ROBO2: variants seen among roughly 807,000 people sequenced by gnomAD.
The protein encoded by ROBO2 is roundabout homolog 2.
In ROBO2, 53 loss-of-function variants were observed where a neutral mutation model predicts 160.8. The observed-to-expected ratio is 0.33, with a 90% CI of 0.26 to 0.41. The LOEUF is 0.41. ROBO2 is among the 10% of genes least tolerant of loss of function. The pLI is 1.00. For synonymous variants in ROBO2, 664 were observed against 611.7 expected (o/e 1.09, Z -1.26); for missense variants, 1,577 against 1,722.4 (o/e 0.92, Z 1.49).
chr3:76,584,689 G>A (rs1305446342), intron 2 of ROBO2, among the ~76,000 whole-genome samples: 3 of 152,036 alleles, frequency 2.0e-5, no homozygotes, highest in African/African-American at 7.2e-5. Flanking sequence ...TCTAGTCTGT[G>A]GTACTTTGTT....
intron 2 of ROBO2, among the ~76,000 whole-genome samples, chr3:76,575,371 T>C (rs2085224029): frequency 6.6e-6 from 1 of 152,072 alleles, no homozygotes; most frequent in Non-Finnish European, 1.5e-5. Flanking sequence ...TAGTACATAA[T>C]GTTTTATCAG....
chr3:77,496,500 A>G (rs547171615), intron 5 of ROBO2, among the ~76,000 whole-genome samples: 1 of 152,288 alleles, frequency 6.6e-6, no homozygotes, highest in South Asian at 2.1e-4. Flanking sequence ...TAAATCAACA[A>G]CATTGATTCT....
chr3:77,163,476 G>A (rs921275939), intron 2 of ROBO2, among the ~76,000 whole-genome samples: 3 of 152,134 alleles, frequency 2.0e-5, no homozygotes, highest in African/African-American at 4.8e-5. Flanking sequence ...GTGTTGTTGT[G>A]TTGTAAACCA....
intron 2 of ROBO2, among the ~76,000 whole-genome samples, chr3:76,850,774 G>A (rs1445758977): frequency 6.6e-6 from 1 of 152,032 alleles, no homozygotes; most frequent in Non-Finnish European, 1.5e-5. Context: ...ATAGCAAGCA[G>A]AAATTAGGGG....
At chr3:77,606,443 G>C (rs2094527850) in intron 20 of ROBO2, among the ~76,000 whole-genome samples, 1 of 152,148 alleles carries the variant, frequency 6.6e-6, no homozygotes, top group Non-Finnish European at 1.5e-5. Flanking sequence ...CTAAGCAAAA[G>C]ATGTCTGCTC....
At chr3:76,399,646 T>C (rs1386046181) in intron 2 of ROBO2, among the ~76,000 whole-genome samples, 1 of 151,722 alleles carries the variant, frequency 6.6e-6, no homozygotes, top group Admixed American at 6.6e-5. Context: ...TATGAAGTGA[T>C]AAAATTCCAT....
rs763733519 is a variant in ROBO2 at position 77,595,112 on chromosome 3, G to A, written c.2684-30G>A. The stretch of plus-strand genomic sequence containing the variant: ...TAATTAATATTGACTACTTGTGTGT[G>A]CATGTCTTCCTTTTTTTCTTTTTTC... On this transcript the variant is annotated intron_variant, in intron 17 of 25. Coordinates refer to ENST00000461745, the Ensembl canonical transcript of ROBO2. 3.2e-6 allele frequency: 5 copies of A among 1,584,732 alleles called. No homozygotes were observed. The African/African-American group carries it at 5.4e-5, about 17-fold the overall frequency.
intron 2 of ROBO2, among the ~76,000 whole-genome samples, chr3:76,641,601 A>C (rs1371935069): frequency 6.6e-6 from 1 of 152,222 alleles, no homozygotes; most frequent in Non-Finnish European, 1.5e-5. Context: ...TGGAATAGAA[A>C]AGAGATGTTT....
chr3:77,340,351 C>T (rs542406442), intron 2 of ROBO2, among the ~76,000 whole-genome samples: 18 of 152,086 alleles, frequency 1.2e-4, no homozygotes, highest in African/African-American at 4.3e-4. Context: ...GTTTCTTTTT[C>T]TTTCATGTCT....
intron 2 of ROBO2, among the ~76,000 whole-genome samples, chr3:76,064,593 A>G (rs2068187503): frequency 6.6e-6 from 1 of 152,226 alleles, no homozygotes; most frequent in South Asian, 2.1e-4. Context: ...CCTTAAAAAG[A>G]AAGATTTTTC....
At chr3:76,721,765 A>G (rs1448297792) in intron 2 of ROBO2, among the ~76,000 whole-genome samples, 4 of 152,248 alleles carry the variant, frequency 2.6e-5, no homozygotes, top group African/African-American at 7.2e-5. Context: ...TGAATAGAGA[A>G]ACAGGCTGTT....
chr3:77,317,584 G>A lies in ROBO2; in HGVS notation c.389-159830G>A, dbSNP rs2064136323. 4 of 1,306,782 alleles carry A rather than the reference G, an allele frequency of 3.1e-6. No homozygotes were observed. In the East Asian group the frequency reaches 8.1e-5, roughly 26 times the overall value. The allele number at this position is 1,306,782 out of a possible 1,614,324, so 80.9% of individuals were successfully genotyped here. A position where few individuals can be genotyped will look rare whatever the true frequency, so the allele number is the denominator to read the frequency against. On this transcript the variant is annotated intron_variant, in intron 2 of 25. Coordinates refer to ENST00000461745, the Ensembl canonical transcript of ROBO2. ...CATCCCTAGCAGATTTGCCAAGATC[G>A]GCATACGTGGGTGGCACAGCCGTCT...
At chr3:76,807,136 A>G (rs2064791333) in intron 2 of ROBO2, among the ~76,000 whole-genome samples, 1 of 152,206 alleles carries the variant, frequency 6.6e-6, no homozygotes, top group South Asian at 2.1e-4. Flanking sequence ...GTATGTGTGA[A>G]ATAGTTTTAT....
chr3:77,390,026 A>C (rs1184388210), intron 2 of ROBO2, among the ~76,000 whole-genome samples: 1 of 152,188 alleles, frequency 6.6e-6, no homozygotes, highest in African/African-American at 2.4e-5. Flanking sequence ...AAACAGCAGC[A>C]ACCTATGTCC....
chr3:77,367,935 T>C (rs2071164257), intron 2 of ROBO2, among the ~76,000 whole-genome samples: 1 of 152,144 alleles, frequency 6.6e-6, no homozygotes, highest in Admixed American at 6.6e-5. Flanking sequence ...TTTCGTTTTA[T>C]GGAAAACTAA....
At chr3:75,957,922 CTT>C (rs1576297681) in intron 2 of ROBO2, among the ~76,000 whole-genome samples, 2 of 151,588 alleles carry the variant, frequency 1.3e-5, no homozygotes, top group East Asian at 3.9e-4. Flanking sequence ...TAATCTCTCT[CTT>C]TTTAACTGAT....
At chr3:76,572,895 G>A (rs530564874) in intron 2 of ROBO2, among the ~76,000 whole-genome samples, 1 of 152,292 alleles carries the variant, frequency 6.6e-6, no homozygotes, top group South Asian at 2.1e-4. Context: ...ATGCTGTGCA[G>A]TCTTGGAATG....
At chr3:76,081,792 C>G (rs1192086994) in intron 2 of ROBO2, among the ~76,000 whole-genome samples, 1 of 151,708 alleles carries the variant, frequency 6.6e-6, no homozygotes, top group Non-Finnish European at 1.5e-5. Flanking sequence ...TGTACAATTT[C>G]CCTTTGCCCT....
At chr3:76,872,851 T>C (rs2072260036) in intron 2 of ROBO2, among the ~76,000 whole-genome samples, 1 of 152,010 alleles carries the variant, frequency 6.6e-6, no homozygotes, top group Admixed American at 6.5e-5. Context: ...TATATTTATG[T>C]AAGCCAGAGT....
Sources: allele counts gnomAD v4.1 joint callset (sites outside exome capture counted in the v4.1 genomes callset), GRCh38; gene constraint gnomAD v4.1.1; transcripts MANE v1.5; gene names NCBI Gene and HGNC (gene_info 2026-07-23, HGNC 2026-07-21).